Variants in RPH3AL observed in about 807,000 individuals in gnomAD.
RPH3AL encodes the protein rab effector Noc2.
RPH3AL carries 38 observed loss-of-function variants against 43.1 expected under a neutral mutation model. The ratio of observed to expected loss-of-function variants is 0.88; its 90% confidence interval spans 0.68 to 1.15. The LOEUF (loss-of-function observed/expected upper bound fraction) is 1.15, where lower values mean the gene tolerates loss of function less well. RPH3AL is among the 50% of genes most tolerant of loss of function. The pLI is 0.00. For missense variants in RPH3AL, 462 were observed against 423.2 expected (o/e 1.09, Z -0.81); for synonymous variants, 189 against 176.3 (o/e 1.07, Z -0.57).
chr17:265,639 T>G (rs375026790), intron 6 of RPH3AL, among the ~76,000 whole-genome samples: 20 of 152,226 alleles, frequency 1.3e-4, no homozygotes, highest in African/African-American at 4.3e-4. Context: ...GGAATTAAGT[T>G]TAGAATAACT....
rs557680088 is a variant in RPH3AL, at chr17:302,334, C to T, written c.351+17086G>A. Among the ~76,000 whole-genome samples the T allele has an allele frequency of 7.4e-4, 113 of 152,334 alleles. 1 individual carries two copies. The highest frequency in any genetic ancestry group is 2.6e-3 in the African/African-American group (109 of 41,590). On this transcript the variant is annotated intron_variant, in intron 5 of 9. Transcript: ENST00000331302. Reference sequence around the variant, plus strand: ...CTGAGCACAGCTGTCTCCCGACTCTCGCAGGTGTAGCAGGCCAGGCAGGTC... The same window carrying T: ...CTGAGCACAGCTGTCTCCCGACTCTTGCAGGTGTAGCAGGCCAGGCAGGTC...
chr17:324,439 G>T lies in RPH3AL; in HGVS notation c.78-3024C>A, dbSNP rs144654019. Among the ~76,000 whole-genome samples, 395 of 152,276 alleles carry T rather than the reference G, an allele frequency of 2.6e-3. 3 individuals carry two copies. The highest frequency in any genetic ancestry group is 9.1e-3 in the African/African-American group (377 of 41,550). On this transcript the variant is annotated intron_variant, in intron 3 of 9. Transcript: ENST00000331302. ...GCAGCTGACGGAGGCCGACTTGAGG[G>T]CACCTGACATCGATGGGCTGCAACC...
At chr17:217,163 A>G (rs1223576956) in intron 8 of RPH3AL, among the ~76,000 whole-genome samples, 11 of 140,478 alleles carry the variant, frequency 7.8e-5, no homozygotes, top group Non-Finnish European at 1.2e-4. Flanking sequence ...CAGTTATTAC[A>G]GAGCCCTTCT....
intron 6 of RPH3AL, among the ~76,000 whole-genome samples, chr17:270,325 G>T (rs190343462): frequency 6.6e-6 from 1 of 152,354 alleles, no homozygotes; most frequent in African/African-American, 2.4e-5. Context: ...GGCAGCTTGC[G>T]GTGAGCACAG....
chr17:333,031 C>T lies in RPH3AL; in HGVS notation c.-37+728G>A, dbSNP rs953318728. 21 of 1,288,978 alleles carry T rather than the reference C, an allele frequency of 1.6e-5. No homozygotes were observed. The highest frequency in any genetic ancestry group is 1.1e-4 in the East Asian group (2 of 18,032). 79.8% of individuals were successfully genotyped at this position (1,288,978 alleles called of 1,614,324 possible). A position where few individuals can be genotyped will look rare whatever the true frequency, so the allele number is the denominator to read the frequency against. ...CCCCAGGCAACTTCCTGAGACAGATCGGTAAAAACAACCCCTTCTTCCAGG... is the reference window on the plus strand; with the variant it reads ...CCCCAGGCAACTTCCTGAGACAGATTGGTAAAAACAACCCCTTCTTCCAGG... On this transcript the variant is annotated intron_variant, in intron 2 of 9. Transcript: ENST00000331302. The surrounding 1 kb of genome is among the most constrained non-coding windows in gnomAD (Gnocchi z 4.5).
At chr17:241,748 T>C (rs1255576316) in intron 7 of RPH3AL, among the ~76,000 whole-genome samples, 1 of 148,288 alleles carries the variant, frequency 6.7e-6, no homozygotes, top group East Asian at 2.0e-4. Flanking sequence ...AGACGGAGTC[T>C]TGCTCTTTCT....
Position 247,143 on chromosome 17 carries a change from G to A in RPH3AL, c.581C>T (p.Thr194Ile). ...TCGGGCCCACGTGTAGATGCGGCTG[G>A]TCTCAGAGCTTCTGGGCTCTCGCTC... ...PAEREPRSSETSRIYTWARGR... is the reference protein window; with the variant it reads ...PAEREPRSSEISRIYTWARGR... The change falls in exon 7 of 10, where the codon ACC (threonine) becomes ATC (isoleucine). Residue 194 changes from threonine to isoleucine, a missense_variant. Coordinates refer to ENST00000331302, the MANE Select transcript of RPH3AL (RefSeq NM_006987.4). The A allele has an allele frequency of 1.2e-6, 2 of 1,614,164 alleles. No homozygotes were observed. Among genetic ancestry groups the A allele is most frequent in the Non-Finnish European group, 1.7e-6 (2 of 1,180,034 alleles).
In RPH3AL at chr17:212,688, T is replaced by C. The variant is rs989680895; in HGVS notation, c.*1164A>G. 5 of 147,556 alleles carry C rather than the reference T, an allele frequency of 3.4e-5. No individual in the cohort carries two copies. Among genetic ancestry groups the C allele is most frequent in the African/African-American group, 1.3e-4 (5 of 39,464 alleles). The allele number at this position is 147,556 out of a possible 1,614,324, so 9.1% of individuals were successfully genotyped here. ...GCAGGAGGCAGGAAGGATGGGAGGG[T>C]GTGATCACCGACACACACACACACG... On this transcript the variant is annotated 3_prime_UTR_variant, in exon 10 of 10. Transcript: ENST00000331302.
At chr17:247,397 G>T in intron 6 of RPH3AL, 112 bp from the exon 7 acceptor site, 2 of 1,143,380 alleles carry the variant, frequency 1.7e-6, no homozygotes, top group South Asian at 1.6e-5. Flanking sequence ...CAGAGTGGGA[G>T]TGGGAACTCT....
In RPH3AL at chr17:345,073, A is replaced by C. The variant is rs1312420620; in HGVS notation, c.-213+7639T>G. On this transcript the variant is annotated intron_variant, in intron 1 of 9. Coordinates refer to ENST00000331302, the MANE Select transcript of RPH3AL (RefSeq NM_006987.4). ...CGATTGAGCCCAGGAGTTTGAATCC[A>C]GCCTGGGCAACATGGTGAAACCTTG... Among the ~76,000 whole-genome samples, 4 of 135,266 alleles carry C rather than the reference A, an allele frequency of 3.0e-5. 1 individual carries two copies. The highest frequency in any genetic ancestry group is 7.1e-5 in the Admixed American group (1 of 14,042). The allele number at this position is 135,266 out of a possible 152,430, so 88.7% of individuals were successfully genotyped here. A position where few individuals can be genotyped will look rare whatever the true frequency, so the allele number is the denominator to read the frequency against.
In RPH3AL at chr17:323,992, C is replaced by A. The variant is rs1203925037; in HGVS notation, c.78-2577G>T. 6.6e-6 allele frequency among the ~76,000 whole-genome samples: 1 copy of A among 151,916 alleles called. No homozygotes were observed. The highest frequency in any genetic ancestry group is 2.4e-5 in the African/African-American group (1 of 41,372). On this transcript the variant is annotated intron_variant, in intron 3 of 9. Coordinates refer to ENST00000331302, the MANE Select transcript of RPH3AL (RefSeq NM_006987.4). The surrounding 1 kb of genome is among the most constrained non-coding windows in gnomAD (Gnocchi z 4.4). ...AGTCATCCCACAAGGCAGGCCTAGACCCTCAGTCACCCTGCAAGGCAGGCC... is the reference window on the plus strand; with the variant it reads ...AGTCATCCCACAAGGCAGGCCTAGAACCTCAGTCACCCTGCAAGGCAGGCC...
chr17:252,364 C>T lies in RPH3AL; in HGVS notation c.439-5079G>A, dbSNP rs541497295. Among the ~76,000 whole-genome samples, 14 of 152,282 alleles carry T rather than the reference C, an allele frequency of 9.2e-5. No individual in the cohort carries two copies. The East Asian group carries it at 2.5e-3, about 27-fold the overall frequency. Reference sequence around the variant, plus strand: ...TAAAATGAAACTAGGCCACCTATAACATCACTGCACAGAGACGCCCTGCTG... The same window carrying T: ...TAAAATGAAACTAGGCCACCTATAATATCACTGCACAGAGACGCCCTGCTG... On this transcript the variant is annotated intron_variant, in intron 6 of 9. Coordinates refer to ENST00000331302, the MANE Select transcript of RPH3AL (RefSeq NM_006987.4).
At chr17:297,586 A>G (rs1266675162) in intron 5 of RPH3AL, among the ~76,000 whole-genome samples, 1 of 152,222 alleles carries the variant, frequency 6.6e-6, no homozygotes, top group Non-Finnish European at 1.5e-5. Context: ...CATCTTGGTG[A>G]CCAGAGGTCC....
At chr17:304,530 AC>A (rs1294782205) in intron 5 of RPH3AL, among the ~76,000 whole-genome samples, 4 of 152,226 alleles carry the variant, frequency 2.6e-5, no homozygotes, top group Non-Finnish European at 5.9e-5. Flanking sequence ...ACCCCAGGCC[AC>A]CCCCACCAAC....
intron 7 of RPH3AL, among the ~76,000 whole-genome samples, chr17:226,678 C>T (rs1370083494): frequency 2.0e-5 from 3 of 152,204 alleles, no homozygotes; most frequent in Admixed American, 1.3e-4. Flanking sequence ...AAGGAAGAAG[C>T]CTTTTCTTCT....
At chr17:242,334 C>T (rs74211836) in intron 7 of RPH3AL, among the ~76,000 whole-genome samples, 5,755 of 74,182 alleles carry the variant, frequency 0.078, 78 homozygotes, top group Middle Eastern at 0.15. Context: ...CCTCTATTGA[C>T]TACCTTCCTC....
At chr17:286,065 C>G (rs1223072112) in intron 5 of RPH3AL, among the ~76,000 whole-genome samples, 1 of 152,210 alleles carries the variant, frequency 6.6e-6, no homozygotes, top group Non-Finnish European at 1.5e-5. Flanking sequence ...GGGTGCTCGG[C>G]TGCCCTGTGG....
intron 3 of RPH3AL, 124 bp downstream of exon 3, chr17:327,343 A>G: frequency 2.4e-6 from 2 of 827,252 alleles, no homozygotes; most frequent in Non-Finnish European, 2.1e-6. Flanking sequence ...TGTGGCATGC[A>G]TCCGACAGGC....
At chr17:294,531 C>T (rs948143783) in intron 5 of RPH3AL, among the ~76,000 whole-genome samples, 8 of 149,116 alleles carry the variant, frequency 5.4e-5, no homozygotes, top group South Asian at 2.2e-4. Flanking sequence ...CAGAAATGGA[C>T]GGCAGAGGGA....
Sources: gnomAD v4.1 joint callset for allele counts (sites outside exome capture counted in the v4.1 genomes callset) on GRCh38, gnomAD v4.1.1 for gene constraint, Gnocchi (gnomAD v3.1) non-coding constraint, MANE v1.5 for transcripts, NCBI Gene and HGNC (gene_info 2026-07-23, HGNC 2026-07-21) for gene names.